KCNIP4: variants seen among roughly 807,000 people sequenced by gnomAD.
The protein encoded by KCNIP4 is potassium voltage-gated channel interacting protein 4.
In KCNIP4, 12 loss-of-function variants were observed where a neutral mutation model predicts 34.0. The ratio of observed to expected loss-of-function variants is 0.35; its 90% CI spans 0.23 to 0.57. The LOEUF (loss-of-function observed/expected upper bound fraction) is 0.57. Among genes scored for constraint, KCNIP4 ranks in the 20% least tolerant of loss-of-function variants. KCNIP4 has a pLI of 0.83. For missense variants in KCNIP4, 238 were observed against 311.7 expected, an observed-to-expected ratio of 0.76 and a Z score of 1.78; for synonymous variants, 124 against 102.2, an observed-to-expected ratio of 1.21 and a Z score of -1.29.
At chr4:21,519,772 C>CACACGTGTGTGTATGTGTGTATAT (rs1560481267) in intron 1 of KCNIP4, among the ~76,000 whole-genome samples, 4 of 130,790 alleles carry the variant, frequency 3.1e-5, no homozygotes, top group Non-Finnish European at 6.4e-5. Context: ...TGTGTGTATA[C>CACACGTGTGTGTATGTGTGTATAT]ACACGTGTGT....
intron 1 of KCNIP4, among the ~76,000 whole-genome samples, chr4:21,262,012 C>T (rs1486223761): frequency 1.3e-5 from 2 of 152,072 alleles, no homozygotes; most frequent in East Asian, 1.9e-4. Flanking sequence ...ATTTCTGGAC[C>T]CTGCACATTT....
chr4:20,928,242 TTC>T (rs1005330029), intron 1 of KCNIP4, among the ~76,000 whole-genome samples: 71 of 53,034 alleles, frequency 1.3e-3, no homozygotes, highest in African/African-American at 4.8e-3. Flanking sequence ...CTAAGATAGT[TTC>T]TTTTTTTTTT....
intron 1 of KCNIP4, among the ~76,000 whole-genome samples, chr4:21,332,656 T>A (rs1006424527): frequency 3.3e-5 from 5 of 151,994 alleles, no homozygotes; most frequent in African/African-American, 1.2e-4. Context: ...GCTGTCTTCA[T>A]CCCAAATAGA....
chr4:20,766,108 T>A (rs979267823), intron 3 of KCNIP4, among the ~76,000 whole-genome samples: 9 of 152,198 alleles, frequency 5.9e-5, no homozygotes, highest in Non-Finnish European at 1.2e-4. Flanking sequence ...TTCCAACCCT[T>A]GCATTAAATG....
At chr4:20,804,890 G>A (rs2149424105) in intron 3 of KCNIP4, among the ~76,000 whole-genome samples, 1 of 152,282 alleles carries the variant, frequency 6.6e-6, no homozygotes, top group East Asian at 1.9e-4. Flanking sequence ...TCTGATTGCA[G>A]ACCAGCTTCC....
chr4:21,386,687 T>C (rs145204837), intron 1 of KCNIP4, among the ~76,000 whole-genome samples: 37 of 152,238 alleles, frequency 2.4e-4, no homozygotes, highest in South Asian at 1.0e-3. Flanking sequence ...CTAAGGAACA[T>C]GTACATTTTC....
chr4:20,762,468 AGT>A lies in KCNIP4; in HGVS notation c.289-3580_289-3579del, dbSNP rs1298564247. Among the ~76,000 whole-genome samples the A allele has an allele frequency of 2.6e-5, 4 of 152,306 alleles. No individual in the cohort carries two copies. The South Asian group carries it at 8.3e-4, about 32-fold the overall frequency. On this transcript the variant is annotated intron_variant, in intron 3 of 8. Coordinates refer to ENST00000382152, the MANE Select transcript of KCNIP4 (RefSeq NM_025221.6). ...TTCCCAGAGATTTTTTATTGAAACT[AGT>A]GCATTTTTTTAAACCTTCAGGTGAG...
rs34896471 is a variant in KCNIP4, at chr4:21,415,449, T to C, written c.62-532740A>G. Among the ~76,000 whole-genome samples, 2,450 of 151,700 alleles carry C rather than the reference T, an allele frequency of 0.016. 128 individuals carry two copies. In the East Asian group the frequency reaches 0.17, roughly 10 times the overall value. On this transcript the variant is annotated intron_variant, in intron 1 of 8. Transcript: ENST00000382152. ...ATATTTAAAAAGGTAAGGGACACAT[T>C]AGGAGGCTGAGGCAGGCAGATCACC...
In KCNIP4 at chr4:20,987,331, G is replaced by T. The variant is rs78994499; in HGVS notation, c.62-104622C>A. On this transcript the variant is annotated intron_variant, in intron 1 of 8. Transcript: ENST00000382152. The stretch of plus-strand genomic sequence containing the variant: ...CCAGTTTGTTATATTAAAACATCCT[G>T]GCTTTCTCCCTCATTCACTGACTCA... 9.4e-3 allele frequency among the ~76,000 whole-genome samples: 1,430 copies of T among 152,144 alleles called. 22 individuals carry two copies. The highest frequency in any genetic ancestry group is 0.033 in the African/African-American group (1,350 of 41,504).
intron 1 of KCNIP4, among the ~76,000 whole-genome samples, chr4:21,034,673 A>T (rs1347638614): frequency 6.6e-6 from 1 of 152,198 alleles, no homozygotes; most frequent in Non-Finnish European, 1.5e-5. Context: ...TTAATTTTCA[A>T]GGCTTAGTGT....
intron 1 of KCNIP4, among the ~76,000 whole-genome samples, chr4:20,904,323 G>A (rs1053772318): frequency 7.9e-6 from 1 of 125,872 alleles, no homozygotes; most frequent in Non-Finnish European, 1.8e-5. Flanking sequence ...ATATGTATGT[G>A]TGTGTGTGTA....
intron 1 of KCNIP4, among the ~76,000 whole-genome samples, chr4:21,672,266 G>A (rs1334238589): frequency 6.6e-6 from 1 of 152,106 alleles, no homozygotes. Context: ...ATGCACCCCA[G>A]AACTTAAAAT....
intron 1 of KCNIP4, among the ~76,000 whole-genome samples, chr4:21,432,659 GA>G: frequency 6.6e-6 from 1 of 152,264 alleles, no homozygotes; most frequent in East Asian, 1.9e-4. Flanking sequence ...AATGGAAGGT[GA>G]AAAACCAGAC....
intron 1 of KCNIP4, among the ~76,000 whole-genome samples, chr4:21,714,785 G>GATATTTTATTTTATTTTATTTTATTTT (rs1553923853): frequency 9.2e-5 from 4 of 43,388 alleles, no homozygotes; most frequent in Non-Finnish European, 1.1e-4. Flanking sequence ...ATTTCCCTTT[G>GATATTTTATTTTATTTTATTTTATTTT]ATTATTTTAT....
intron 1 of KCNIP4, among the ~76,000 whole-genome samples, chr4:21,781,901 C>T (rs1286624137): frequency 6.6e-6 from 1 of 151,782 alleles, no homozygotes; most frequent in East Asian, 1.9e-4. Context: ...TTAACTAATG[C>T]ATATATAGTT....
rs143122898 is a variant in KCNIP4 at position 21,426,996 on chromosome 4, C to A, written c.61+521575G>T. Reference sequence around the variant, plus strand: ...ACGGATCATGACTTTTCTGTTCTCACAAATGCACCCCAACTCAGTCTCAGG... The same window carrying A: ...ACGGATCATGACTTTTCTGTTCTCAAAAATGCACCCCAACTCAGTCTCAGG... On this transcript the variant is annotated intron_variant, in intron 1 of 8. Transcript: ENST00000382152. Among the ~76,000 whole-genome samples the A allele has an allele frequency of 8.3e-3, 1,259 of 151,722 alleles. 16 individuals carry two copies. The highest frequency in any genetic ancestry group is 0.029 in the African/African-American group (1,183 of 41,332).
chr4:20,813,251 G>A (rs1258477305), intron 3 of KCNIP4, among the ~76,000 whole-genome samples: 1 of 152,074 alleles, frequency 6.6e-6, no homozygotes, highest in South Asian at 2.1e-4. Context: ...GACTGGATGT[G>A]GACAGAATGA....
At chr4:20,903,000 A>T (rs1254391087) in intron 1 of KCNIP4, among the ~76,000 whole-genome samples, 1 of 152,216 alleles carries the variant, frequency 6.6e-6, no homozygotes. Flanking sequence ...ATTGTTTCTC[A>T]TATGGGAATA....
intron 1 of KCNIP4, among the ~76,000 whole-genome samples, chr4:20,990,470 T>C (rs757871300): frequency 1.1e-4 from 17 of 152,214 alleles, no homozygotes; most frequent in Admixed American, 3.9e-4. Context: ...ACAAGGTCGA[T>C]TGGATTTTCA....
Sources: allele counts gnomAD v4.1 joint callset (sites outside exome capture counted in the v4.1 genomes callset), GRCh38; gene constraint gnomAD v4.1.1; transcripts MANE v1.5; gene names NCBI Gene and HGNC (gene_info 2026-07-23, HGNC 2026-07-21).